Variants in KIAA0586 observed in about 807,000 individuals in gnomAD.
KIAA0586 encodes protein TALPID3.
KIAA0586 carries 144 observed loss-of-function variants against 169.8 expected under a neutral mutation model. That is an observed-to-expected ratio of 0.85 (90% CI 0.74 to 0.97). The LOEUF (loss-of-function observed/expected upper bound fraction) is 0.97. Among genes scored for constraint, KIAA0586 ranks in the 50% least tolerant of loss-of-function variants. The probability of loss-of-function intolerance (pLI) is 0.00; values close to 1 mark genes in which losing one functional copy is unlikely to be tolerated. For missense variants in KIAA0586, 1,854 were observed against 1,823.0 expected (o/e 1.02, Z -0.31); for synonymous variants, 625 against 612.4 (o/e 1.02, Z -0.30).
chr14:58,479,479 T>A (rs2041881104), intron 20 of KIAA0586, among the ~76,000 whole-genome samples: 1 of 152,194 alleles, frequency 6.6e-6, no homozygotes, highest in African/African-American at 2.4e-5. Flanking sequence ...TGCCTTTTTG[T>A]TTTCTCAGCA....
intron 29 of KIAA0586, among the ~76,000 whole-genome samples, chr14:58,516,521 C>A (rs2044765305): frequency 6.6e-6 from 1 of 152,126 alleles, no homozygotes; most frequent in Non-Finnish European, 1.5e-5. Flanking sequence ...GGAAACTGTC[C>A]TGCACAAAAT....
chr14:58,519,290 T>G (rs2045010735), intron 29 of KIAA0586, among the ~76,000 whole-genome samples: 1 of 152,228 alleles, frequency 6.6e-6, no homozygotes. Flanking sequence ...TCACCCAGGC[T>G]GGAGAGCAGG....
At chr14:58,456,109 T>G (rs559478191) in intron 9 of KIAA0586, among the ~76,000 whole-genome samples, 39 of 152,272 alleles carry the variant, frequency 2.6e-4, no homozygotes, top group Admixed American at 2.4e-3. Flanking sequence ...ACAAACACTA[T>G]GAATGAGACT....
At chr14:58,513,635 C>G (rs1229118836) in intron 29 of KIAA0586, among the ~76,000 whole-genome samples, 1 of 151,382 alleles carries the variant, frequency 6.6e-6, no homozygotes, top group East Asian at 1.9e-4. Flanking sequence ...TGGAAAATAC[C>G]TATAAAACTC....
intron 29 of KIAA0586, among the ~76,000 whole-genome samples, chr14:58,517,866 A>T (rs1227414410): frequency 6.6e-6 from 1 of 152,204 alleles, no homozygotes. Flanking sequence ...GTAGTGAAAG[A>T]AGTTAAAAGG....
chr14:58,443,242 A>G (rs1424254737), intron 5 of KIAA0586, among the ~76,000 whole-genome samples: 1 of 152,236 alleles, frequency 6.6e-6, no homozygotes, highest in Non-Finnish European at 1.5e-5. Context: ...AGGGAAGCAG[A>G]GAAACAGGTC....
At chr14:58,442,569 C>G (rs192011784) in intron 4 of KIAA0586, 137 bp from the exon 5 acceptor site, 9 of 607,020 alleles carry the variant, frequency 1.5e-5, no homozygotes, top group Non-Finnish European at 2.3e-5. Flanking sequence ...ATTTTGTTAA[C>G]CAAATGACCT....
intron 26 of KIAA0586, 148 bp downstream of exon 26, chr14:58,492,423 G>T: frequency 1.6e-6 from 1 of 616,036 alleles, no homozygotes; most frequent in Non-Finnish European, 2.7e-6. Flanking sequence ...TCATGGAACT[G>T]TAGAGTTTTA....
intron 7 of KIAA0586, among the ~76,000 whole-genome samples, chr14:58,449,355 T>C (rs1156962172): frequency 6.6e-6 from 1 of 152,130 alleles, no homozygotes; most frequent in Non-Finnish European, 1.5e-5. Flanking sequence ...AGTGAGATCC[T>C]GTCTCTAGAA....
intron 29 of KIAA0586, among the ~76,000 whole-genome samples, chr14:58,519,619 G>A (rs58449819): frequency 0.016 from 2,422 of 152,230 alleles, 62 homozygotes; most frequent in African/African-American, 0.055. Context: ...GTTGATAAGA[G>A]CTGCTTTTAT....
chr14:58,509,708 T>G (rs1435290972), intron 28 of KIAA0586, among the ~76,000 whole-genome samples: 1 of 152,172 alleles, frequency 6.6e-6, no homozygotes, highest in Non-Finnish European at 1.5e-5. Context: ...CAGGAAAAAC[T>G]AGTTAATAAT....
intron 12 of KIAA0586, among the ~76,000 whole-genome samples, chr14:58,459,121 T>C (rs2040117163): frequency 6.6e-6 from 1 of 152,184 alleles, no homozygotes; most frequent in African/African-American, 2.4e-5. Context: ...TAAGGTGTTA[T>C]TTTGTCCTGG....
chr14:58,430,767 A>T (rs1327049043), intron 3 of KIAA0586, 50 bp downstream of exon 3: 9 of 1,054,068 alleles, frequency 8.5e-6, no homozygotes, highest in Non-Finnish European at 1.2e-5. Flanking sequence ...TATACATAAC[A>T]TAAAGTTTAC....
In KIAA0586 at chr14:58,488,670, G is replaced by A. The variant is rs1188950723; in HGVS notation, c.3577G>A (p.Ala1193Thr). Reference protein sequence around the residue: ...DEEPESMDFPAQPPPPEPVPF... With the variant: ...DEEPESMDFPTQPPPPEPVPF... The stretch of plus-strand genomic sequence containing the variant: ...AGAACCAGAGAGTATGGATTTCCCT[G>A]CTCAGCCTCCACCTCCAGAGCCAGT... Residue 1193 changes from alanine (A) to threonine (T), a missense_variant, in exon 24 of 31, where the codon GCT becomes ACT. Physicochemically the swap from Ala to Thr is moderately conservative, Grantham distance 58. Transcript: ENST00000652326. 1.2e-6 allele frequency: 2 copies of A among 1,613,744 alleles called. No individual in the cohort carries two copies. Among genetic ancestry groups the A allele is most frequent in the Admixed American group, 3.3e-5 (2 of 59,990 alleles).
In KIAA0586 at chr14:58,448,341, C is replaced by G; in HGVS notation, c.809C>G (p.Thr270Ser). The G allele has an allele frequency of 2.6e-6, 4 of 1,536,732 alleles. No homozygotes were observed. The highest frequency in any genetic ancestry group is 3.5e-6 in the Non-Finnish European group (4 of 1,127,282). Residue 270 changes from threonine (T) to serine (S), a missense_variant and splice_region_variant, in exon 7 of 31, where the codon ACT becomes AGT. Transcript: ENST00000652326. ...ATAAAATAATCTTATTTCTTCTAGA[C>G]TCATTTTATTAGTGCTGCACTCAAG... ...KLQQQQIDIQTHFISAALKTS... is the reference protein window; with the variant it reads ...KLQQQQIDIQSHFISAALKTS...
At chr14:58,428,548 A>T (rs1391976236) in intron 1 of KIAA0586, 85 bp downstream of exon 1, 1 of 1,027,356 alleles carries the variant, frequency 9.7e-7, no homozygotes, top group African/African-American at 1.6e-5. Flanking sequence ...AACGTAAGAT[A>T]TAAGTCTAGT....
chr14:58,532,031 G>A (rs1220401908), intron 29 of KIAA0586, among the ~76,000 whole-genome samples: 2 of 151,784 alleles, frequency 1.3e-5, no homozygotes, highest in Non-Finnish European at 2.9e-5. Context: ...ACCGGGGCCT[G>A]TCGGGGGGTG....
chr14:58,540,180 G>T, intron 30 of KIAA0586, 44 bp downstream of exon 30: 2 of 1,092,472 alleles, frequency 1.8e-6, no homozygotes, highest in Non-Finnish European at 1.3e-6. Context: ...GAGCTGTTCA[G>T]ATTTTTTCAT....
In KIAA0586 at chr14:58,482,805, T is replaced by A. The variant is rs567417026; in HGVS notation, c.3144+93T>A. 8.4e-4 allele frequency: 758 copies of A among 903,924 alleles called. 1 individual carries two copies. The highest frequency in any genetic ancestry group is 1.1e-3 in the Non-Finnish European group (684 of 624,606). The allele number at this position is 903,924 out of a possible 1,614,324, so 56.0% of individuals were successfully genotyped here. A position where few individuals can be genotyped will look rare whatever the true frequency, so the allele number is the denominator to read the frequency against. The stretch of plus-strand genomic sequence containing the variant: ...AAGATCATTGTTTGTGGTAGAAGTA[T>A]TATTATCATTTTTAGAGACATGGTC... On this transcript the variant is annotated intron_variant, in intron 21 of 30. Transcript: ENST00000652326.
Sources: allele counts gnomAD v4.1 joint callset (sites outside exome capture counted in the v4.1 genomes callset), GRCh38; gene constraint gnomAD v4.1.1; transcripts MANE v1.5; gene names NCBI Gene and HGNC (gene_info 2026-07-23, HGNC 2026-07-21).